The following LIPA variants were observed in gnomAD, a reference collection of about 807,000 sequenced individuals.
LIPA encodes lipase A, lysosomal acid type, also known as lysosomal acid lipase/cholesteryl ester hydrolase.
A neutral mutation model predicts 40.6 loss-of-function variants in LIPA; 26 were observed. The observed-to-expected ratio is 0.64, with a 90% CI of 0.47 to 0.89. The LOEUF (loss-of-function observed/expected upper bound fraction) is 0.89. Among genes scored for constraint, LIPA ranks in the 40% least tolerant of loss-of-function variants. The pLI, the probability that LIPA is intolerant of heterozygous loss-of-function variation, is 0.00. For synonymous variants in LIPA, 188 were observed against 168.4 expected (o/e 1.12, Z -0.90); for missense variants, 455 against 479.6 (o/e 0.95, Z 0.48).
At chr10:89,249,639 A>G (rs1245776878) in intron 1 of LIPA, among the ~76,000 whole-genome samples, 1 of 152,258 alleles carries the variant, frequency 6.6e-6, no homozygotes, top group Non-Finnish European at 1.5e-5. Context: ...ATAAGGAAAA[A>G]AAAAAGTACT....
rs556855388 is a variant in LIPA, at chr10:89,308,427, T to C, written c.-2+34184A>G. 3.2e-4 allele frequency: 49 copies of C among 152,264 alleles called. 1 individual carries two copies. Among genetic ancestry groups the C allele is most frequent in the Admixed American group, 2.4e-3 (36 of 15,298 alleles). The allele number at this position is 152,264 out of a possible 1,614,324, so 9.4% of individuals were successfully genotyped here. A position where few individuals can be genotyped will look rare whatever the true frequency, so the allele number is the denominator to read the frequency against. On this transcript the variant is annotated intron_variant, in intron 1 of 5. Coordinates refer to the LIPA transcript ENST00000282673. Reference sequence around the variant, plus strand: ...CGTGGGAACCTGGTGACTAAGGGCCTGGTGCAAGGACTTGGGAAATGTCAT... The same window carrying C: ...CGTGGGAACCTGGTGACTAAGGGCCCGGTGCAAGGACTTGGGAAATGTCAT...
intron 2 of LIPA, chr10:89,378,267 G>T: frequency 1.2e-6 from 1 of 862,878 alleles, no homozygotes; most frequent in East Asian, 2.5e-5. Flanking sequence ...TTCTGACCCT[G>T]ATAGGCACCC....
chr10:89,401,399 G>T (rs1473122702), intron 2 of LIPA, among the ~76,000 whole-genome samples: 1 of 152,098 alleles, frequency 6.6e-6, no homozygotes, highest in Non-Finnish European at 1.5e-5. Flanking sequence ...GGGATTACAG[G>T]TGTGAGCCAC....
intron 1 of LIPA, chr10:89,339,576 T>G: frequency 6.2e-7 from 1 of 1,614,146 alleles, no homozygotes; most frequent in East Asian, 2.2e-5. Flanking sequence ...AAGAGATGAT[T>G]GAAGCACTAA....
intron 2 of LIPA, among the ~76,000 whole-genome samples, chr10:89,356,903 GA>G (rs1417159135): frequency 6.6e-6 from 1 of 152,134 alleles, no homozygotes; most frequent in Non-Finnish European, 1.5e-5. Flanking sequence ...AGATTTTGAT[GA>G]CTGATTGAAT....
chr10:89,364,868 T>C (rs1410021748), intron 2 of LIPA, among the ~76,000 whole-genome samples: 1 of 152,304 alleles, frequency 6.6e-6, no homozygotes, highest in East Asian at 1.9e-4. Context: ...AGTAGAGTTT[T>C]AAATTGTTGC....
chr10:89,213,655 AACCAT>A lies in LIPA; in HGVS notation c.*1168_*1172del, dbSNP rs1842580011. ...AAGTAGTATTCGCCCTGCCTATATT[AACCAT>A]TAACAAGCATTGTACTGTTAGTGCA... On this transcript the variant is annotated 3_prime_UTR_variant, in exon 10 of 10. Coordinates refer to ENST00000336233, the MANE Select transcript of LIPA (RefSeq NM_000235.4). The A allele has an allele frequency of 6.6e-6, 1 of 152,292 alleles. No individual in the cohort carries two copies. The highest frequency in any genetic ancestry group is 1.5e-5 in the Non-Finnish European group (1 of 68,082). 9.4% of individuals were successfully genotyped at this position (152,292 alleles called of 1,614,324 possible).
upstream of LIPA, among the ~76,000 whole-genome samples, chr10:89,344,150 A>G (rs1262756128): frequency 6.6e-6 from 1 of 152,252 alleles, no homozygotes; most frequent in African/African-American, 2.4e-5. Flanking sequence ...TAGACCAGAT[A>G]TACACAGAAC....
intron 1 of LIPA, among the ~76,000 whole-genome samples, chr10:89,274,370 GA>G (rs569930047): frequency 1.3e-5 from 2 of 152,142 alleles, no homozygotes; most frequent in African/African-American, 4.8e-5. Flanking sequence ...GATGATTAGA[GA>G]AAAAACAGAT....
chr10:89,353,933 T>C (rs1342055195), intron 2 of LIPA, among the ~76,000 whole-genome samples: 1 of 151,532 alleles, frequency 6.6e-6, no homozygotes, highest in Admixed American at 6.6e-5. Context: ...AGAATGAGAC[T>C]CCGTCTCAAA....
intron 3 of LIPA, 135 bp downstream of exon 3, chr10:89,245,541 T>C: frequency 1.4e-6 from 1 of 716,782 alleles, no homozygotes; most frequent in South Asian, 1.5e-5. Flanking sequence ...TTTCTTTGCC[T>C]TGCAAACCTC....
At chr10:89,300,735 C>T (rs1439914357) in intron 1 of LIPA, among the ~76,000 whole-genome samples, 1 of 152,166 alleles carries the variant, frequency 6.6e-6, no homozygotes, top group Non-Finnish European at 1.5e-5. Context: ...GCCTGTAATC[C>T]CAGAACTTTG....
rs144194490 is a variant in LIPA at position 89,218,419 on chromosome 10, C to T, written c.895-2410G>A. 2.8e-3 allele frequency among the ~76,000 whole-genome samples: 419 copies of T among 152,302 alleles called. 1 individual carries two copies. Among genetic ancestry groups the T allele is most frequent in the African/African-American group, 9.2e-3 (382 of 41,578 alleles). On this transcript the variant is annotated intron_variant, in intron 8 of 9. Transcript: ENST00000336233. ...TATTTTAAAACTTTAGTTACTGACC[C>T]GGAAAGGCATTTTTAATTATGGCAG...
chr10:89,225,750 A>G lies in LIPA; in HGVS notation c.539-522T>C, dbSNP rs187366843. Among the ~76,000 whole-genome samples the G allele has an allele frequency of 1.4e-4, 21 of 152,298 alleles. No homozygotes were observed. In the East Asian group the frequency reaches 3.7e-3, roughly 27 times the overall value. The stretch of plus-strand genomic sequence containing the variant: ...AATCTCATCTTTAATTGTAGTTCCC[A>G]TAATTCCCATGTGTTGTGGGAGGGA... On this transcript the variant is annotated intron_variant, in intron 5 of 9. Transcript: ENST00000336233.
At chr10:89,307,083 G>A (rs199839737) in intron 1 of LIPA, 17 of 1,613,938 alleles carry the variant, frequency 1.1e-5, no homozygotes, top group East Asian at 2.2e-5. Flanking sequence ...CTCCATCTGC[G>A]GTATGGCAAC....
Position 89,225,171 on chromosome 10 carries a change from G to A in LIPA, c.596C>T (p.Ala199Val). ...GGCGACGGAAGCCACAGGACCCAGG[G>A]CAAAAAACATTTTAATCCTTTTAGC... The part of the protein sequence containing the change: ...ELAKRIKMFF[A>V]LGPVASVAFC... Residue 199 changes from alanine (A) to valine (V), a missense_variant, in exon 6 of 10, where the codon GCC becomes GTC. Ala to Val is a moderately conservative substitution (Grantham distance 64). Transcript: ENST00000336233. 6.2e-7 allele frequency: 1 copy of A among 1,614,032 alleles called. No homozygotes were observed. The highest frequency in any genetic ancestry group is 8.5e-7 in the Non-Finnish European group (1 of 1,179,956).
chr10:89,324,061 T>G (rs1238391698), intron 1 of LIPA, among the ~76,000 whole-genome samples: 1 of 152,084 alleles, frequency 6.6e-6, no homozygotes. Context: ...AGCATGGTAC[T>G]GGTACAAAAA....
chr10:89,414,115 T>A lies in LIPA; in HGVS notation c.-72+292A>T, dbSNP rs1841505049. ...GGGTAAGAGTGGATTTTTAAAGCTATTTGGCAATATCCGTCAAAACTTAAA... is the reference window on the plus strand; with the variant it reads ...GGGTAAGAGTGGATTTTTAAAGCTAATTGGCAATATCCGTCAAAACTTAAA... On this transcript the variant is annotated intron_variant, in intron 1 of 8. Coordinates refer to the LIPA transcript ENST00000371837. 2.0e-5 allele frequency among the ~76,000 whole-genome samples: 3 copies of A among 152,226 alleles called. No homozygotes were observed. In the South Asian group the frequency reaches 6.2e-4, roughly 31 times the overall value.
chr10:89,352,846 T>C (rs1437929565), intron 2 of LIPA, among the ~76,000 whole-genome samples: 1 of 148,738 alleles, frequency 6.7e-6, no homozygotes, highest in East Asian at 2.0e-4. Context: ...CATAAGGAAA[T>C]TCCTTGTGGG....
Sources: gnomAD v4.1 joint callset for allele counts (sites outside exome capture counted in the v4.1 genomes callset) on GRCh38, gnomAD v4.1.1 for gene constraint, MANE v1.5 for transcripts, NCBI Gene and HGNC (gene_info 2026-07-23, HGNC 2026-07-21) for gene names.